PAK1: variants seen among roughly 807,000 people sequenced by gnomAD.
The protein encoded by PAK1 is p21 (RAC1) activated kinase 1.
In PAK1, 29 loss-of-function variants were observed where a neutral mutation model predicts 67.4. The observed-to-expected ratio is 0.43, with a 90% CI of 0.32 to 0.59. The LOEUF (loss-of-function observed/expected upper bound fraction) is 0.59. Ranked by LOEUF, PAK1 falls within the 20% of genes least tolerant of loss-of-function variation. The probability of loss-of-function intolerance (pLI) is 0.07; values close to 1 mark genes in which losing one functional copy is unlikely to be tolerated. For synonymous variants in PAK1, 223 were observed against 237.4 expected, an observed-to-expected ratio of 0.94 and a Z score of 0.56; for missense variants, 337 against 670.7, an observed-to-expected ratio of 0.50 and a Z score of 5.50.
At chr11:77,333,212 T>G (rs1231173816) in intron 13 of PAK1, among the ~76,000 whole-genome samples, 7 of 149,382 alleles carry the variant, frequency 4.7e-5, no homozygotes, top group African/African-American at 1.7e-4. Flanking sequence ...TTTTTTTTTT[T>G]TTTGAGATGG....
chr11:77,406,785 GA>G (rs34634626), intron 1 of PAK1, among the ~76,000 whole-genome samples: 1 of 151,442 alleles, frequency 6.6e-6, no homozygotes, highest in African/African-American at 2.4e-5. Flanking sequence ...GATTTCAAAG[GA>G]AAAAAAAGAG....
intron 1 of PAK1, among the ~76,000 whole-genome samples, chr11:77,465,737 G>T (rs1275162880): frequency 6.6e-6 from 1 of 152,048 alleles, no homozygotes; most frequent in Non-Finnish European, 1.5e-5. Context: ...GCTGAGGCGG[G>T]CAGTTCACTT....
At chr11:77,393,313 G>T (rs1951401371) in intron 1 of PAK1, among the ~76,000 whole-genome samples, 1 of 144,508 alleles carries the variant, frequency 6.9e-6, no homozygotes, top group Non-Finnish European at 1.5e-5. Context: ...GAGAGAGAGA[G>T]ATGGGATTCT....
At chr11:77,479,753 G>A in the PAK1 span, among the ~76,000 whole-genome samples, 2,274 of 151,216 alleles carry the variant, frequency 0.015, 53 homozygotes, top group African/African-American at 0.053. Context: ...GATTACAGGC[G>A]CCCACCAGCA....
At chr11:77,478,422 C>T (rs541434525), upstream of PAK1, among the ~76,000 whole-genome samples, 1 of 152,232 alleles carries the variant, frequency 6.6e-6, no homozygotes, top group South Asian at 2.1e-4. Context: ...ACCCAGCCCT[C>T]AAATGAGCCA....
chr11:77,322,239 T>C lies in PAK1; in HGVS notation c.*1035A>G, dbSNP rs1171126001. ...TTTCCATTTGCAGAGAGCTTGGCCA[T>C]GCATCTTAAAAACGGGGTCCCCTCA... On this transcript the variant is annotated 3_prime_UTR_variant, in exon 15 of 15. Transcript: ENST00000356341. The C allele has an allele frequency of 1.0e-5, 2 of 197,462 alleles. No individual in the cohort carries two copies. The highest frequency in any genetic ancestry group is 2.1e-5 in the Non-Finnish European group (2 of 94,954). The allele number at this position is 197,462 out of a possible 1,614,324, so 12.2% of individuals were successfully genotyped here.
intron 1 of PAK1, among the ~76,000 whole-genome samples, chr11:77,415,877 ACT>A (rs1300252982): frequency 1.3e-5 from 2 of 151,788 alleles, no homozygotes; most frequent in Non-Finnish European, 2.9e-5. Flanking sequence ...AAACATTTTG[ACT>A]CTATTGCATT....
At chr11:77,449,040 A>G (rs2135380091) in intron 1 of PAK1, among the ~76,000 whole-genome samples, 1 of 152,352 alleles carries the variant, frequency 6.6e-6, no homozygotes, top group South Asian at 2.1e-4. Flanking sequence ...TTTGAAATTT[A>G]AAAGAAAATG....
At chr11:77,456,312 T>G (rs1430210643) in intron 1 of PAK1, among the ~76,000 whole-genome samples, 1 of 152,108 alleles carries the variant, frequency 6.6e-6, no homozygotes, top group Non-Finnish European at 1.5e-5. Flanking sequence ...ATAAAAACTA[T>G]TTTTTAAGTG....
intron 5 of PAK1, among the ~76,000 whole-genome samples, chr11:77,363,637 A>G (rs893666842): frequency 1.3e-5 from 2 of 152,150 alleles, no homozygotes; most frequent in East Asian, 1.9e-4. Flanking sequence ...TCTCTAATGC[A>G]TCTTTTATTA....
At chr11:77,508,885 C>A in the PAK1 span, among the ~76,000 whole-genome samples, 12 of 148,892 alleles carry the variant, frequency 8.1e-5, no homozygotes, top group African/African-American at 2.7e-4. Flanking sequence ...TGGCCTCGAT[C>A]TCCTGACCTA....
chr11:77,355,634 C>A, intron 7 of PAK1, 34 bp downstream of exon 7: 2 of 1,574,530 alleles, frequency 1.3e-6, no homozygotes, highest in South Asian at 2.2e-5. Context: ...AGTCATAAAA[C>A]GAAGAAAGGT....
At chr11:77,476,795 GCCAACATGGTGAAACC>G (rs1206484038), upstream of PAK1, 2 of 151,996 alleles carry the variant, frequency 1.3e-5, no homozygotes, top group Admixed American at 1.3e-4. Flanking sequence ...GAGCAGCCTG[GCCAACATGGTGAAACC>G]CCATCTCTAC....
intron 1 of PAK1, among the ~76,000 whole-genome samples, chr11:77,404,563 G>A (rs897235685): frequency 4.6e-5 from 7 of 152,070 alleles, no homozygotes; most frequent in Non-Finnish European, 1.0e-4. Flanking sequence ...CACTGCACCC[G>A]GCCAATGAGC....
intron 5 of PAK1, among the ~76,000 whole-genome samples, chr11:77,362,899 C>T (rs1399498655): frequency 6.6e-6 from 1 of 152,144 alleles, no homozygotes; most frequent in Non-Finnish European, 1.5e-5. Context: ...AAGAACTGTA[C>T]TATTAACTGA....
intron 1 of PAK1, among the ~76,000 whole-genome samples, chr11:77,426,533 C>T (rs146723496): frequency 6.6e-6 from 1 of 152,134 alleles, no homozygotes; most frequent in Non-Finnish European, 1.5e-5. Flanking sequence ...TAGTAAATAT[C>T]AAGTTCATCA....
In PAK1 at chr11:77,323,713, AAT is replaced by A. The variant is rs79525727; in HGVS notation, c.1552-355_1552-354del. Among the ~76,000 whole-genome samples, 86 of 152,354 alleles carry A rather than the reference AAT, an allele frequency of 5.6e-4. 2 individuals are homozygous for A. The East Asian group carries it at 0.013, about 23-fold the overall frequency. On this transcript the variant is annotated intron_variant, in intron 14 of 14. Coordinates refer to ENST00000356341, the MANE Select transcript of PAK1 (RefSeq NM_002576.5). Reference sequence around the variant, plus strand: ...AAATGTCCAAGAGAATGGAAAAATGAATAGTGTTATATTCATATAATACTATA... The same window carrying A: ...AAATGTCCAAGAGAATGGAAAAATGAAGTGTTATATTCATATAATACTATA...
intron 1 of PAK1, among the ~76,000 whole-genome samples, chr11:77,404,936 C>T (rs538677791): frequency 6.6e-6 from 1 of 152,230 alleles, no homozygotes; most frequent in South Asian, 2.1e-4. Flanking sequence ...CAGAGAAATA[C>T]ACAAATAAAT....
chr11:77,486,011 C>T, the PAK1 span, among the ~76,000 whole-genome samples: 1 of 152,208 alleles, frequency 6.6e-6, no homozygotes, highest in Admixed American at 6.5e-5. Flanking sequence ...GCTCACTCCT[C>T]CTAACTTTGC....
Sources: gnomAD v4.1 joint callset for allele counts (sites outside exome capture counted in the v4.1 genomes callset) on GRCh38, gnomAD v4.1.1 for gene constraint, MANE v1.5 for transcripts, NCBI Gene and HGNC (gene_info 2026-07-23, HGNC 2026-07-21) for gene names.